The following TCF12 variants were observed in gnomAD, a reference collection of about 807,000 sequenced individuals.
TCF12 encodes transcription factor 12, also known as DNA-binding protein HTF4.
Under a neutral mutation model 86.0 loss-of-function variants are expected in TCF12, and 45 were observed. That is an observed-to-expected ratio of 0.52 (90% CI 0.41 to 0.67). The LOEUF (loss-of-function observed/expected upper bound fraction) is 0.67. Ranked by LOEUF, TCF12 falls within the 30% of genes least tolerant of loss-of-function variation. The pLI is 0.00. For missense variants in TCF12, 881 were observed against 859.9 expected (o/e 1.02, Z -0.31); for synonymous variants, 330 against 299.6 (o/e 1.10, Z -1.05).
At chr15:57,073,405 A>C (rs2069589606) in intron 4 of TCF12, among the ~76,000 whole-genome samples, 1 of 152,190 alleles carries the variant, frequency 6.6e-6, no homozygotes, top group Non-Finnish European at 1.5e-5. Flanking sequence ...GTAGGGTGAC[A>C]CTTTTTTGTA....
At chr15:57,138,546 CCGA>C in intron 5 of TCF12, among the ~76,000 whole-genome samples, 1 of 666 alleles carries the variant, frequency 1.5e-3, no homozygotes, top group African/African-American at 2.2e-3. Context: ...TCCTATCTAA[CCGA>C]AAGGAAAAGT....
intron 3 of TCF12, among the ~76,000 whole-genome samples, chr15:56,966,234 GT>G (rs1470463833): frequency 6.6e-6 from 1 of 152,046 alleles, no homozygotes. Flanking sequence ...GCAAACCTAA[GT>G]TTTGCTATTA....
At chr15:57,110,673 A>G (rs1239519664) in intron 5 of TCF12, among the ~76,000 whole-genome samples, 1 of 152,198 alleles carries the variant, frequency 6.6e-6, no homozygotes, top group Non-Finnish European at 1.5e-5. Flanking sequence ...TAATTTAGGA[A>G]GTTCAGTCTA....
At chr15:56,983,273 A>G (rs564135964) in intron 3 of TCF12, among the ~76,000 whole-genome samples, 4 of 152,296 alleles carry the variant, frequency 2.6e-5, no homozygotes, top group African/African-American at 9.6e-5. Context: ...TAACTATTAG[A>G]GAGAGAAGTT....
At position 57,231,156 on chromosome 15, in the gene TCF12, A is replaced by G. The variant is rs762304818; in HGVS notation, c.584A>G (p.Tyr195Cys). 2 of 1,610,592 alleles carry G rather than the reference A, an allele frequency of 1.2e-6. No homozygotes were observed. The highest frequency in any genetic ancestry group is 2.2e-5 in the East Asian group (1 of 44,782). Residue 195 changes from tyrosine to cysteine, a missense_variant, in exon 9 of 21, where the codon TAT (tyrosine) becomes TGT (cysteine). Physicochemically the swap from Tyr to Cys is radical, Grantham distance 194. Around this residue, in one of 3 missense-constraint regions of TCF12, gnomAD observed 766 missense variants for 718.9 expected, o/e 1.07. Coordinates refer to ENST00000333725, the MANE Select transcript of TCF12 (RefSeq NM_207037.2). The stretch of plus-strand genomic sequence containing the variant: ...AATGTGCTGTTTAATTTTAAGGTAT[A>G]TGCACCATCCCCAAATTCAGATGAT... ...KVPPGLPSSVYAPSPNSDDFN... is the reference protein window; with the variant it reads ...KVPPGLPSSVCAPSPNSDDFN...
At chr15:57,220,605 A>G (rs1419178621) in intron 8 of TCF12, among the ~76,000 whole-genome samples, 6 of 152,208 alleles carry the variant, frequency 3.9e-5, no homozygotes, top group African/African-American at 9.6e-5. Flanking sequence ...GTTTTGCTAA[A>G]CAAGAGTTCT....
chr15:56,935,577 C>T (rs1222683281), intron 3 of TCF12, among the ~76,000 whole-genome samples: 1 of 151,996 alleles, frequency 6.6e-6, no homozygotes. Context: ...CACCCATCAC[C>T]CAAGCAGTAT....
At chr15:57,206,325 AC>A (rs1197846961) in intron 8 of TCF12, among the ~76,000 whole-genome samples, 1 of 151,870 alleles carries the variant, frequency 6.6e-6, no homozygotes, top group African/African-American at 2.4e-5. Context: ...ACATAGTGAA[AC>A]CCCTTCTCTA....
chr15:57,030,233 AATTG>A (rs2066078240), intron 3 of TCF12, among the ~76,000 whole-genome samples: 1 of 151,950 alleles, frequency 6.6e-6, no homozygotes, highest in Admixed American at 6.6e-5. Context: ...TTGATTGATT[AATTG>A]ATTAATCAAT....
At chr15:57,142,961 A>G (rs2053089473) in intron 5 of TCF12, among the ~76,000 whole-genome samples, 1 of 152,240 alleles carries the variant, frequency 6.6e-6, no homozygotes, top group Non-Finnish European at 1.5e-5. Flanking sequence ...GCACAATGTG[A>G]CTGCATTCAA....
intron 3 of TCF12, among the ~76,000 whole-genome samples, chr15:57,040,269 T>G (rs1302095863): frequency 6.6e-6 from 1 of 152,238 alleles, no homozygotes; most frequent in Non-Finnish European, 1.5e-5. Context: ...GATTCCTGAT[T>G]TTGTTTATAA....
intron 6 of TCF12, among the ~76,000 whole-genome samples, chr15:57,170,700 T>TA (rs1567558570): frequency 1.1e-3 from 7 of 6,332 alleles, no homozygotes; most frequent in South Asian, 5.3e-3. Flanking sequence ...ATATATATTA[T>TA]ATATAATATA....
At chr15:57,113,148 C>T (rs2050609127) in intron 5 of TCF12, among the ~76,000 whole-genome samples, 1 of 152,176 alleles carries the variant, frequency 6.6e-6, no homozygotes, top group South Asian at 2.1e-4. Flanking sequence ...AAGTATCCCA[C>T]ACTCTGGCCA....
chr15:56,949,095 A>G (rs2061147761), intron 3 of TCF12, among the ~76,000 whole-genome samples: 1 of 152,248 alleles, frequency 6.6e-6, no homozygotes, highest in Non-Finnish European at 1.5e-5. Flanking sequence ...TAAAAAATAC[A>G]TTGAAATTTT....
intron 3 of TCF12, among the ~76,000 whole-genome samples, chr15:57,019,754 AT>A (rs139028817): frequency 0.19 from 29,325 of 152,048 alleles, 3,156 homozygotes; most frequent in Non-Finnish European, 0.24. Flanking sequence ...TATAGGAGCA[AT>A]TGGGGATGTC....
At position 56,995,685 on chromosome 15, in the gene TCF12, G is replaced by A. The variant is rs1162480436; in HGVS notation, c.149-68065G>A. 4.6e-5 allele frequency among the ~76,000 whole-genome samples: 7 copies of A among 152,180 alleles called. No individual in the cohort carries two copies. The East Asian group carries it at 1.4e-3, about 29-fold the overall frequency. On this transcript the variant is annotated intron_variant, in intron 3 of 20. Coordinates refer to ENST00000333725, the MANE Select transcript of TCF12 (RefSeq NM_207037.2). ...TTGTAGTTGCCTATCAGCTCTAGGA[G>A]CCTTATGGTATAGTCTTTAGGGTTT...
intron 4 of TCF12, among the ~76,000 whole-genome samples, chr15:57,076,204 A>G (rs1220742568): frequency 6.6e-6 from 1 of 152,078 alleles, no homozygotes; most frequent in African/African-American, 2.4e-5. Context: ...ATAAGATCAT[A>G]GTTTCTCAAA....
intron 3 of TCF12, among the ~76,000 whole-genome samples, chr15:57,003,567 CAA>C (rs1398670408): frequency 6.6e-6 from 1 of 152,108 alleles, no homozygotes; most frequent in African/African-American, 2.4e-5. Context: ...AAACGTGGCA[CAA>C]AATAGGCTAC....
At chr15:57,209,950 T>C (rs573599507) in intron 8 of TCF12, among the ~76,000 whole-genome samples, 28 of 152,298 alleles carry the variant, frequency 1.8e-4, no homozygotes, top group African/African-American at 6.5e-4. Flanking sequence ...CGTATCCAAA[T>C]GGCTAGTTTT....
Sources: allele counts gnomAD v4.1 joint callset (sites outside exome capture counted in the v4.1 genomes callset), GRCh38; gene constraint gnomAD v4.1.1; regional missense constraint gnomAD v4.1.1; transcripts MANE v1.5; gene names NCBI Gene and HGNC (gene_info 2026-07-23, HGNC 2026-07-21).